The following PTPRM variants were observed in gnomAD, a reference collection of about 807,000 sequenced individuals.
The protein encoded by PTPRM is protein tyrosine phosphatase receptor type M, also known as receptor-type tyrosine-protein phosphatase mu.
In PTPRM, 47 loss-of-function variants were observed where a neutral mutation model predicts 186.7. The observed-to-expected ratio is 0.25, with a 90% CI of 0.20 to 0.32. PTPRM has a LOEUF of 0.32. PTPRM is among the 10% of genes least tolerant of loss of function. PTPRM has a pLI of 1.00. For missense variants in PTPRM, 1,494 were observed against 1,865.0 expected (o/e 0.80, Z 3.66); for synonymous variants, 668 against 674.9 (o/e 0.99, Z 0.16).
intron 2 of PTPRM, among the ~76,000 whole-genome samples, chr18:7,818,456 A>G (rs913170819): frequency 7.2e-5 from 11 of 151,924 alleles, no homozygotes; most frequent in African/African-American, 2.7e-4. Context: ...TGCAACACTC[A>G]CTTGCTCCCT....
intron 2 of PTPRM, among the ~76,000 whole-genome samples, chr18:7,880,057 C>G (rs2048427519): frequency 6.6e-6 from 1 of 152,220 alleles, no homozygotes; most frequent in Admixed American, 6.5e-5. Flanking sequence ...CTTATAAAAC[C>G]ATCAGATTTC....
intron 2 of PTPRM, among the ~76,000 whole-genome samples, chr18:7,805,202 T>C (rs2044172296): frequency 2.0e-5 from 3 of 152,240 alleles, no homozygotes; most frequent in Admixed American, 2.0e-4. Context: ...ATTTTTCTAC[T>C]TCCATTTCCA....
intron 14 of PTPRM, among the ~76,000 whole-genome samples, chr18:8,179,811 C>T (rs2093548558): frequency 6.6e-6 from 1 of 152,146 alleles, no homozygotes; most frequent in Non-Finnish European, 1.5e-5. Flanking sequence ...TACTTTAGGA[C>T]AACAATTTAC....
chr18:7,820,165 A>T (rs552806967), intron 2 of PTPRM, among the ~76,000 whole-genome samples: 116 of 152,100 alleles, frequency 7.6e-4, no homozygotes, highest in Non-Finnish European at 1.3e-3. Flanking sequence ...AATTAGCTAT[A>T]TCCACTCTTA....
intron 17 of PTPRM, among the ~76,000 whole-genome samples, chr18:8,248,761 A>G (rs908185215): frequency 2.0e-5 from 3 of 152,180 alleles, no homozygotes; most frequent in Non-Finnish European, 2.9e-5. Flanking sequence ...TGGAATTTCA[A>G]AGGAGCTGAT....
chr18:7,757,748 G>T (rs187840964), intron 1 of PTPRM, among the ~76,000 whole-genome samples: 24 of 152,316 alleles, frequency 1.6e-4, no homozygotes, highest in South Asian at 4.1e-4. Flanking sequence ...GTGAGCAGGA[G>T]CTTATTGGGA....
intron 23 of PTPRM, among the ~76,000 whole-genome samples, chr18:8,369,269 A>G (rs2095650161): frequency 6.6e-6 from 1 of 152,196 alleles, no homozygotes; most frequent in East Asian, 1.9e-4. Context: ...CTGGCCAAAT[A>G]ATTTGTATTT....
intron 11 of PTPRM, among the ~76,000 whole-genome samples, chr18:8,108,091 C>A (rs915047873): frequency 6.6e-6 from 1 of 152,008 alleles, no homozygotes; most frequent in Non-Finnish European, 1.5e-5. Context: ...TGGCATTAAC[C>A]CTTAGTTACA....
intron 7 of PTPRM, among the ~76,000 whole-genome samples, chr18:7,976,935 A>T (rs1221231016): frequency 2.2e-4 from 32 of 147,376 alleles, no homozygotes; most frequent in African/African-American, 5.7e-4. Flanking sequence ...TTTTTTTTTT[A>T]AAGCTTGATT....
intron 19 of PTPRM, among the ~76,000 whole-genome samples, chr18:8,284,022 T>C (rs188827259): frequency 6.6e-6 from 1 of 152,342 alleles, no homozygotes; most frequent in Admixed American, 6.5e-5. Flanking sequence ...TTTTTTCTTA[T>C]GACATTTCTT....
intron 14 of PTPRM, among the ~76,000 whole-genome samples, chr18:8,152,466 T>G (rs1208096862): frequency 6.6e-6 from 1 of 152,176 alleles, no homozygotes; most frequent in East Asian, 1.9e-4. Context: ...GTCACAGCTG[T>G]GCGCATCCCT....
chr18:8,219,308 A>G (rs2889716), intron 14 of PTPRM, among the ~76,000 whole-genome samples: 83,827 of 151,888 alleles, frequency 0.55, 23,748 homozygotes, highest in East Asian at 0.77. Flanking sequence ...TCTACTTAAA[A>G]TACAAAAAAT....
At chr18:7,814,751 C>T (rs1252287913) in intron 2 of PTPRM, 1 of 152,186 alleles carries the variant, frequency 6.6e-6, no homozygotes, top group East Asian at 1.9e-4. Context: ...TCTAGAATGT[C>T]CCTCAAACCT....
At chr18:8,104,713 G>T (rs1442487999) in intron 11 of PTPRM, among the ~76,000 whole-genome samples, 1 of 152,132 alleles carries the variant, frequency 6.6e-6, no homozygotes, top group Non-Finnish European at 1.5e-5. Context: ...TTCCCAAAGT[G>T]CTAGAACTAC....
intron 1 of PTPRM, among the ~76,000 whole-genome samples, chr18:7,683,800 G>C (rs1443740441): frequency 6.6e-6 from 1 of 152,162 alleles, no homozygotes; most frequent in Non-Finnish European, 1.5e-5. Flanking sequence ...AGGGTATCAG[G>C]AAGCCCAGAT....
At chr18:7,658,413 C>G (rs2038907118) in intron 1 of PTPRM, among the ~76,000 whole-genome samples, 1 of 149,260 alleles carries the variant, frequency 6.7e-6, no homozygotes, top group Non-Finnish European at 1.5e-5. Flanking sequence ...CAAGAGGTAG[C>G]AGAATGGTCG....
chr18:8,111,284 A>C (rs2091741187), intron 11 of PTPRM, among the ~76,000 whole-genome samples: 2 of 152,174 alleles, frequency 1.3e-5, no homozygotes, highest in Non-Finnish European at 2.9e-5. Flanking sequence ...ACAGGAAATG[A>C]ACTGGAAAAA....
At chr18:7,637,203 C>A (rs966350920) in intron 1 of PTPRM, among the ~76,000 whole-genome samples, 6 of 150,244 alleles carry the variant, frequency 4.0e-5, no homozygotes, top group Non-Finnish European at 8.8e-5. Flanking sequence ...AATTCATTTG[C>A]ACATGTGTAT....
intron 7 of PTPRM, among the ~76,000 whole-genome samples, chr18:7,973,251 T>C (rs2054692967): frequency 6.6e-6 from 1 of 152,142 alleles, no homozygotes; most frequent in African/African-American, 2.4e-5. Flanking sequence ...GTTTACAGTT[T>C]TAAGGTAGAA....
Sources: gnomAD v4.1 joint callset for allele counts (sites outside exome capture counted in the v4.1 genomes callset) on GRCh38, gnomAD v4.1.1 for gene constraint, MANE v1.5 for transcripts, NCBI Gene and HGNC (gene_info 2026-07-23, HGNC 2026-07-21) for gene names.